ZC3H14: variants seen among roughly 807,000 people sequenced by gnomAD.
ZC3H14 encodes zinc finger CCCH domain-containing protein 14.
ZC3H14 carries 31 observed loss-of-function variants against 92.4 expected under a neutral mutation model. The observed-to-expected ratio is 0.34, with a 90% CI of 0.25 to 0.45. The LOEUF is 0.45. Among genes scored for constraint, ZC3H14 ranks in the 20% least tolerant of loss-of-function variants. The probability of loss-of-function intolerance (pLI) is 1.00; values close to 1 mark genes in which losing one functional copy is unlikely to be tolerated. For synonymous variants in ZC3H14, 321 were observed against 300.9 expected (o/e 1.07, Z -0.69); for missense variants, 781 against 897.3 (o/e 0.87, Z 1.66).
chr14:88,576,429 G>A (rs933980944), intron 8 of ZC3H14, among the ~76,000 whole-genome samples: 1 of 152,218 alleles, frequency 6.6e-6, no homozygotes, highest in Non-Finnish European at 1.5e-5. Context: ...CATTTGTGAT[G>A]TTCCTGCTCC....
chr14:88,620,699 A>C lies in ZC3H14; in HGVS notation c.*8948A>C. On this transcript the variant is annotated 3_prime_UTR_variant, in exon 17 of 17. Coordinates refer to ENST00000251038, the MANE Select transcript of ZC3H14 (RefSeq NM_024824.5). The surrounding 1 kb of genome is among the most constrained non-coding windows in gnomAD (Gnocchi z 4.3). Reference sequence around the variant, plus strand: ...AAGGCAAGGCTATGGAAAATTTTACAAATGGAAGTTAAATCAAGTATATAC... The same window carrying C: ...AAGGCAAGGCTATGGAAAATTTTACCAATGGAAGTTAAATCAAGTATATAC... 7.2e-7 allele frequency: 1 copy of C among 1,390,152 alleles called. No homozygotes were observed. The highest frequency in any genetic ancestry group is 9.4e-7 in the Non-Finnish European group (1 of 1,067,350). 86.1% of individuals were successfully genotyped at this position (1,390,152 alleles called of 1,614,324 possible).
intron 2 of ZC3H14, 35 bp downstream of exon 2, chr14:88,563,728 T>G: frequency 1.3e-6 from 2 of 1,599,198 alleles, no homozygotes; most frequent in Non-Finnish European, 1.7e-6. Flanking sequence ...CTTACAGAAT[T>G]TAGAGTTTGC....
At chr14:88,599,778 C>T (rs919469286) in intron 10 of ZC3H14, among the ~76,000 whole-genome samples, 1 of 152,204 alleles carries the variant, frequency 6.6e-6, no homozygotes, top group African/African-American at 2.4e-5. Flanking sequence ...ACTGGTAGAA[C>T]TCCTTCGTCT....
In ZC3H14 at chr14:88,610,858, A is replaced by G; in HGVS notation, c.2122A>G (p.Thr708Ala). The change falls in exon 16 of 17, where the codon ACA becomes GCA. Residue 708 changes from threonine to alanine, a missense_variant. Coordinates refer to ENST00000251038, the MANE Select transcript of ZC3H14 (RefSeq NM_024824.5). ...PKHCRFNTQCTRPDCTFYHPT... is the reference protein window; with the variant it reads ...PKHCRFNTQCARPDCTFYHPT... ...GCATTGTAGGTTTAACACTCAATGT[A>G]CAAGACCGGACTGCACATTCTACCA... 6.2e-7 allele frequency: 1 copy of G among 1,614,134 alleles called. No individual in the cohort carries two copies. The highest frequency in any genetic ancestry group is 8.5e-7 in the Non-Finnish European group (1 of 1,179,986).
intron 9 of ZC3H14, among the ~76,000 whole-genome samples, chr14:88,588,000 ACAGTTTT>A: frequency 6.6e-6 from 1 of 152,144 alleles, no homozygotes; most frequent in Non-Finnish European, 1.5e-5. Context: ...TGTTTCTTGT[ACAGTTTT>A]GTGTGGGAAC....
In ZC3H14 at chr14:88,576,054, C is replaced by T. The variant is rs1177564758; in HGVS notation, c.1123+114C>T. ...TAAAGGTGCCTGTCAGATGTCAAGA[C>T]CAAGATGAGGTTCCCATATAGAAAA... On this transcript the variant is annotated intron_variant, in intron 8 of 16. Coordinates refer to ENST00000251038, the MANE Select transcript of ZC3H14 (RefSeq NM_024824.5). 7 of 913,612 alleles carry T rather than the reference C, an allele frequency of 7.7e-6. No individual in the cohort carries two copies. The Admixed American group carries it at 1.7e-4, about 22-fold the overall frequency. The allele number at this position is 913,612 out of a possible 1,614,324, so 56.6% of individuals were successfully genotyped here.
At chr14:88,573,146 C>A (rs1159788669) in intron 6 of ZC3H14, 139 bp downstream of exon 6, 1 of 949,716 alleles carries the variant, frequency 1.1e-6, no homozygotes, top group African/African-American at 1.6e-5. Flanking sequence ...TTTGGGAGGC[C>A]GAGGCGGGTG....
Position 88,611,938 on chromosome 14 carries a change from C to A in ZC3H14, c.*187C>A. ...TTGTAAGTTTATTATGTGGTTTTAACATTGGGTGTTTTTGTTTTGTTTTTA... is the reference window on the plus strand; with the variant it reads ...TTGTAAGTTTATTATGTGGTTTTAAAATTGGGTGTTTTTGTTTTGTTTTTA... On this transcript the variant is annotated 3_prime_UTR_variant, in exon 17 of 17. Transcript: ENST00000251038. The A allele has an allele frequency of 1.3e-6, 1 of 759,662 alleles. No homozygotes were observed. The highest frequency in any genetic ancestry group is 2.1e-6 in the Non-Finnish European group (1 of 474,352). 47.1% of individuals were successfully genotyped at this position (759,662 alleles called of 1,614,324 possible). A position where few individuals can be genotyped will look rare whatever the true frequency, so the allele number is the denominator to read the frequency against.
rs1230560352 is a variant in ZC3H14, at chr14:88,615,900, A to T, written c.*4149A>T. ...TGCAGGGAGTTAATTATGTTTTTAG[A>T]TTTTCATAACAGTTTAATATTTTTC... is the stretch of plus-strand genomic sequence containing the variant. On this transcript the variant is annotated 3_prime_UTR_variant, in exon 17 of 17. Transcript: ENST00000251038. 6.3e-7 allele frequency: 1 copy of T among 1,580,472 alleles called. No individual in the cohort carries two copies. Among genetic ancestry groups the T allele is most frequent in the Non-Finnish European group, 8.6e-7 (1 of 1,160,974 alleles).
At chr14:88,567,276 C>T (rs1198596053) in intron 2 of ZC3H14, among the ~76,000 whole-genome samples, 6 of 151,610 alleles carry the variant, frequency 4.0e-5, no homozygotes, top group African/African-American at 7.3e-5. Context: ...CCACCACACC[C>T]GGCTAATTTT....
In ZC3H14 at chr14:88,618,370, G is replaced by A. The variant is rs754957932; in HGVS notation, c.*6619G>A. On this transcript the variant is annotated 3_prime_UTR_variant, in exon 17 of 17. Coordinates refer to ENST00000251038, the MANE Select transcript of ZC3H14 (RefSeq NM_024824.5). Reference sequence around the variant, plus strand: ...TTAAAATGGGACAAGAATTCCATTAGGTGAGAGACAAAATCCACAGGGGGT... The same window carrying A: ...TTAAAATGGGACAAGAATTCCATTAAGTGAGAGACAAAATCCACAGGGGGT... 6.4e-7 allele frequency: 1 copy of A among 1,562,100 alleles called. No individual in the cohort carries two copies. Among genetic ancestry groups the A allele is most frequent in the Non-Finnish European group, 8.8e-7 (1 of 1,135,726 alleles).
Position 88,620,808 on chromosome 14 carries a change from G to T in ZC3H14, c.*9057G>T. The T allele has an allele frequency of 6.2e-7, 1 of 1,607,492 alleles. No homozygotes were observed. Among genetic ancestry groups the T allele is most frequent in the Non-Finnish European group, 8.5e-7 (1 of 1,177,618 alleles). On this transcript the variant is annotated 3_prime_UTR_variant, in exon 17 of 17. Transcript: ENST00000251038. The surrounding 1 kb of genome is among the most constrained non-coding windows in gnomAD (Gnocchi z 4.3). ...TCTCTTCTTTCCCCATATTTTTAGA[G>T]AACTCACTAGTAAAATGATAAATTC...
chr14:88,563,497 G>C, intron 1 of ZC3H14, 154 bp from the exon 2 acceptor site: 4 of 1,501,380 alleles, frequency 2.7e-6, no homozygotes, highest in East Asian at 4.8e-5. Context: ...AGTGGGGTGC[G>C]GGGTGGGGGG....
intron 9 of ZC3H14, among the ~76,000 whole-genome samples, chr14:88,593,614 G>T (rs2083426178): frequency 1.3e-5 from 2 of 152,176 alleles, no homozygotes; most frequent in Admixed American, 6.5e-5. Flanking sequence ...TGTTAAGACA[G>T]TTTATTGGCA....
Position 88,572,805 on chromosome 14 carries a change from G to A in ZC3H14, c.659G>A (p.Ser220Asn). The stretch of plus-strand genomic sequence containing the variant: ...ATTGAAATTTATCGACCACCTGCAA[G>A]TAGAAATGCAGATAGTGGTGTTCAT... ...PSIEIYRPPA[S>N]RNADSGVHLN... The change falls in exon 6 of 17, where the codon AGT becomes AAT. Residue 220 changes from serine (S) to asparagine (N), a missense_variant. Around this residue, in one of 3 missense-constraint regions of ZC3H14, gnomAD observed 454 missense variants for 438.5 expected, o/e 1.04. Transcript: ENST00000251038. The A allele has an allele frequency of 6.2e-7, 1 of 1,614,198 alleles. No homozygotes were observed. Among genetic ancestry groups the A allele is most frequent in the African/African-American group, 1.3e-5 (1 of 75,048 alleles).
Position 88,614,938 on chromosome 14 carries a change from CTT to C in ZC3H14, c.*3190_*3191del, listed in dbSNP as rs910960711. On this transcript the variant is annotated 3_prime_UTR_variant, in exon 17 of 17. Transcript: ENST00000251038. ...TAATGTTGTATATGTGAATTTAACA[CTT>C]TTGTTTACATGTTAAACAAATGTGT... 1 of 152,172 alleles carries C rather than the reference CTT, an allele frequency of 6.6e-6. No homozygotes were observed. Among genetic ancestry groups the C allele is most frequent in the African/African-American group, 2.4e-5 (1 of 41,462 alleles). 9.4% of individuals were successfully genotyped at this position (152,172 alleles called of 1,614,324 possible).
rs2088142219 is a variant in ZC3H14, at chr14:88,618,448, T to G, written c.*6697T>G. 9.0e-7 allele frequency: 1 copy of G among 1,106,742 alleles called. No individual in the cohort carries two copies. The highest frequency in any genetic ancestry group is 2.3e-5 in the Admixed American group (1 of 44,272). The allele number at this position is 1,106,742 out of a possible 1,614,324, so 68.6% of individuals were successfully genotyped here. On this transcript the variant is annotated 3_prime_UTR_variant, in exon 17 of 17. Coordinates refer to ENST00000251038, the MANE Select transcript of ZC3H14 (RefSeq NM_024824.5). ...GATTTACATGTCTAACATTATTAAG[T>G]ATGCAAAAGATCACTACAAAAACTT... is the stretch of plus-strand genomic sequence containing the variant.
chr14:88,604,181 G>A (rs930464046), intron 12 of ZC3H14, among the ~76,000 whole-genome samples: 9 of 152,180 alleles, frequency 5.9e-5, no homozygotes, highest in African/African-American at 2.2e-4. Flanking sequence ...TCATTTAAAT[G>A]TAGGTGTCCA....
Position 88,616,497 on chromosome 14 carries a change from T to G in ZC3H14, c.*4746T>G, listed in dbSNP as rs2087641132. On this transcript the variant is annotated 3_prime_UTR_variant, in exon 17 of 17. Transcript: ENST00000251038. ...TTGAAATTTGATAACTGATTATAGG[T>G]TTGGTGAAAAGCTAATTACAGCTTT... 3.3e-6 allele frequency: 2 copies of G among 601,974 alleles called. No homozygotes were observed. Among genetic ancestry groups the G allele is most frequent in the Non-Finnish European group, 5.7e-6 (2 of 349,354 alleles). 37.3% of individuals were successfully genotyped at this position (601,974 alleles called of 1,614,324 possible).
Sources: gnomAD v4.1 joint callset for allele counts (sites outside exome capture counted in the v4.1 genomes callset) on GRCh38, gnomAD v4.1.1 for gene constraint, gnomAD v4.1.1 regional missense constraint, Gnocchi (gnomAD v3.1) non-coding constraint, MANE v1.5 for transcripts, NCBI Gene and HGNC (gene_info 2026-07-23, HGNC 2026-07-21) for gene names.